The following CDK14 variants were observed in gnomAD, a reference collection of about 807,000 sequenced individuals.
CDK14 encodes cyclin dependent kinase 14, also known as cyclin-dependent kinase 14.
CDK14 carries 34 observed loss-of-function variants against 60.7 expected under a neutral mutation model. The observed-to-expected ratio is 0.56, with a 90% CI of 0.43 to 0.75. The LOEUF is 0.75. CDK14 is among the 30% of genes least tolerant of loss of function. The pLI, the probability that CDK14 is intolerant of heterozygous loss-of-function variation, is 0.00. For synonymous variants in CDK14, 197 were observed against 203.7 expected (o/e 0.97, Z 0.28); for missense variants, 482 against 564.1 (o/e 0.85, Z 1.47).
intron 2 of CDK14, among the ~76,000 whole-genome samples, chr7:90,670,501 A>G (rs1212683718): frequency 1.3e-5 from 2 of 152,182 alleles, no homozygotes; most frequent in Non-Finnish European, 2.9e-5. Flanking sequence ...TATAAAGAAA[A>G]GAGGTTTAAT....
At chr7:90,860,515 T>G (rs1270250328) in intron 5 of CDK14, among the ~76,000 whole-genome samples, 1 of 151,010 alleles carries the variant, frequency 6.6e-6, no homozygotes, top group Non-Finnish European at 1.5e-5. Context: ...GGATGTGATG[T>G]GTCTCATTCC....
intron 2 of CDK14, among the ~76,000 whole-genome samples, chr7:90,648,697 G>T (rs1166418391): frequency 6.6e-6 from 1 of 152,100 alleles, no homozygotes; most frequent in Non-Finnish European, 1.5e-5. Context: ...GGGAAGCTAG[G>T]AATCTATTAA....
chr7:91,065,305 A>G (rs1438521032), intron 11 of CDK14, among the ~76,000 whole-genome samples: 1 of 152,114 alleles, frequency 6.6e-6, no homozygotes, highest in African/African-American at 2.4e-5. Context: ...AAAACCTCTC[A>G]CTGATAATGC....
chr7:90,831,576 A>G (rs1789911143), intron 5 of CDK14, among the ~76,000 whole-genome samples: 1 of 152,158 alleles, frequency 6.6e-6, no homozygotes, highest in African/African-American at 2.4e-5. Context: ...CTAGTCCATC[A>G]GTACATTTAG....
intron 12 of CDK14, among the ~76,000 whole-genome samples, chr7:91,105,238 G>T (rs763208468): frequency 7.9e-5 from 12 of 152,226 alleles, no homozygotes; most frequent in Non-Finnish European, 1.3e-4. Flanking sequence ...AAACCACTTG[G>T]GGATCAGGAA....
At chr7:90,967,079 A>T (rs1794773103) in intron 9 of CDK14, among the ~76,000 whole-genome samples, 1 of 141,802 alleles carries the variant, frequency 7.1e-6, no homozygotes, top group South Asian at 2.5e-4. Flanking sequence ...TCTTGATATT[A>T]TGTAAGGTTG....
chr7:90,895,256 C>A (rs1792257835), intron 6 of CDK14, among the ~76,000 whole-genome samples: 1 of 151,796 alleles, frequency 6.6e-6, no homozygotes, highest in Non-Finnish European at 1.5e-5. Flanking sequence ...TAAAGATGTA[C>A]AGTGCTGTAT....
chr7:90,895,214 CA>C (rs1187549119), intron 6 of CDK14, among the ~76,000 whole-genome samples: 1 of 152,016 alleles, frequency 6.6e-6, no homozygotes, highest in Non-Finnish European at 1.5e-5. Flanking sequence ...TTTAGAAAAA[CA>C]TTTTTTTCCT....
intron 12 of CDK14, among the ~76,000 whole-genome samples, chr7:91,090,026 T>C (rs1033448979): frequency 6.6e-6 from 1 of 152,186 alleles, no homozygotes; most frequent in African/African-American, 2.4e-5. Flanking sequence ...AGCTTGTGAC[T>C]GCCAAAAAAT....
intron 14 of CDK14, among the ~76,000 whole-genome samples, chr7:91,148,014 T>C (rs144907314): frequency 6.6e-6 from 1 of 152,188 alleles, no homozygotes; most frequent in Non-Finnish European, 1.5e-5. Flanking sequence ...TCAATAGCTA[T>C]CTCTGGCTTC....
chr7:90,706,856 C>G (rs1801907462), intron 2 of CDK14, among the ~76,000 whole-genome samples: 1 of 152,162 alleles, frequency 6.6e-6, no homozygotes, highest in Non-Finnish European at 1.5e-5. Flanking sequence ...CCGTCCAGGT[C>G]TCAGTCAGTG....
At chr7:91,076,802 C>T (rs1798331913) in intron 11 of CDK14, among the ~76,000 whole-genome samples, 1 of 151,828 alleles carries the variant, frequency 6.6e-6, no homozygotes, top group South Asian at 2.1e-4. Flanking sequence ...AACAGATTTA[C>T]AAGGAAAAAA....
At chr7:90,814,726 A>G (rs1327081058) in intron 5 of CDK14, among the ~76,000 whole-genome samples, 2 of 152,212 alleles carry the variant, frequency 1.3e-5, no homozygotes, top group Admixed American at 6.5e-5. Context: ...CAGTGAGCCG[A>G]GATTGTGCCA....
intron 13 of CDK14, 117 bp from the exon 14 acceptor site, chr7:91,117,948 T>C: frequency 1.7e-6 from 1 of 572,828 alleles, no homozygotes; most frequent in Non-Finnish European, 3.1e-6. Flanking sequence ...AAACATACCA[T>C]GATGTTCAGT....
chr7:90,913,575 G>T (rs1390970769), intron 7 of CDK14, among the ~76,000 whole-genome samples: 1 of 152,212 alleles, frequency 6.6e-6, no homozygotes, highest in African/African-American at 2.4e-5. Context: ...AAAGGGAAAT[G>T]GGGATGTATG....
chr7:90,887,175 A>G (rs1175251654), intron 6 of CDK14, among the ~76,000 whole-genome samples: 2 of 152,082 alleles, frequency 1.3e-5, no homozygotes, highest in Non-Finnish European at 2.9e-5. Context: ...TTAACAGTAT[A>G]TTTTACTACT....
rs186102840 is a variant in CDK14 at position 91,040,518 on chromosome 7, C to T, written c.1042-5379C>T. On this transcript the variant is annotated intron_variant, in intron 10 of 14. Transcript: ENST00000380050. ...TTCAGAGTTGCAGCTTAAAAATAATCAGTTATTAGGTTGTTCTGAAGTCCC... is the reference window on the plus strand; with the variant it reads ...TTCAGAGTTGCAGCTTAAAAATAATTAGTTATTAGGTTGTTCTGAAGTCCC... Among the ~76,000 whole-genome samples, 12 of 152,312 alleles carry T rather than the reference C, an allele frequency of 7.9e-5. No individual in the cohort carries two copies. In the East Asian group the frequency reaches 2.1e-3, roughly 27 times the overall value.
intron 5 of CDK14, among the ~76,000 whole-genome samples, chr7:90,818,447 C>T (rs941519724): frequency 6.6e-6 from 1 of 152,150 alleles, no homozygotes; most frequent in Non-Finnish European, 1.5e-5. Context: ...TTTTCAAATG[C>T]ATGCTTAAAT....
At chr7:90,933,502 A>G (rs1436495023) in intron 8 of CDK14, among the ~76,000 whole-genome samples, 4 of 152,192 alleles carry the variant, frequency 2.6e-5, no homozygotes, top group Non-Finnish European at 5.9e-5. Context: ...TAACAGTTCG[A>G]GAAGTTATGT....
Sources: gnomAD v4.1 joint callset for allele counts (sites outside exome capture counted in the v4.1 genomes callset) on GRCh38, gnomAD v4.1.1 for gene constraint, MANE v1.5 for transcripts, NCBI Gene and HGNC (gene_info 2026-07-23, HGNC 2026-07-21) for gene names.